ADGRG5: variants seen among roughly 807,000 people sequenced by gnomAD.
The protein encoded by ADGRG5 is adhesion G protein-coupled receptor G5.
In ADGRG5, 37 loss-of-function variants were observed where a neutral mutation model predicts 53.2. The observed-to-expected ratio is 0.70, with a 90% confidence interval of 0.53 to 0.91. ADGRG5 has a LOEUF of 0.91. Among genes scored for constraint, ADGRG5 ranks in the 40% least tolerant of loss-of-function variants. The pLI, the probability that ADGRG5 is intolerant of heterozygous loss-of-function variation, is 0.00. For synonymous variants in ADGRG5, 277 were observed against 290.4 expected, an observed-to-expected ratio of 0.95 and a Z score of 0.47; for missense variants, 614 against 675.8, an observed-to-expected ratio of 0.91 and a Z score of 1.01.
At chr16:57,562,748 G>A in intron 3 of ADGRG5, 1 of 552,624 alleles carries the variant, frequency 1.8e-6, no homozygotes. Context: ...GGGCTCTCCA[G>A]GGTCTATGAC....
chr16:57,561,340 C>A (rs2032995497), intron 1 of ADGRG5, among the ~76,000 whole-genome samples: 1 of 152,166 alleles, frequency 6.6e-6, no homozygotes, highest in Non-Finnish European at 1.5e-5. Flanking sequence ...GTCTTTGTGC[C>A]TGTTTTCTAA....
chr16:57,569,103 G>A (rs1240995582), intron 9 of ADGRG5, among the ~76,000 whole-genome samples: 4 of 47,996 alleles, frequency 8.3e-5, no homozygotes, highest in East Asian at 7.3e-4. Flanking sequence ...CCTCCTCCAC[G>A]TACATCACCA....
At chr16:57,568,667 C>T (rs1382336910) in intron 9 of ADGRG5, among the ~76,000 whole-genome samples, 1 of 149,896 alleles carries the variant, frequency 6.7e-6, no homozygotes, top group Non-Finnish European at 1.5e-5. Flanking sequence ...ATCTCCTTCA[C>T]CTCCACCACC....
chr16:57,567,932 C>G lies in ADGRG5; in HGVS notation c.898C>G (p.Leu300Val), dbSNP rs115719809. 840 of 1,613,852 alleles carry G rather than the reference C, an allele frequency of 5.2e-4. 10 individuals are homozygous for G. The African/African-American group carries it at 0.01, about 20-fold the overall frequency. The change falls in exon 9 of 12, where the codon CTG becomes GTG. Residue 300 changes from leucine (L) to valine (V), a missense_variant. Physicochemically the swap from Leu to Val is conservative, Grantham distance 32. Coordinates refer to ENST00000349457, the MANE Select transcript of ADGRG5 (RefSeq NM_001304376.3). ...SVLLLNIAFL[L>V]SPAFAMSPVP... ...GCTGCTCCTGAACATCGCCTTCCTG[C>G]TGAGCCCCGCATTCGCAATGTCTCC...
chr16:57,559,408 G>A (rs1447899541), intron 1 of ADGRG5, among the ~76,000 whole-genome samples: 1 of 152,164 alleles, frequency 6.6e-6, no homozygotes, highest in Non-Finnish European at 1.5e-5. Context: ...TGTCCTGCAT[G>A]GCTATGTTAC....
upstream of ADGRG5, among the ~76,000 whole-genome samples, chr16:57,540,658 CAT>C (rs1392131296): frequency 1.3e-5 from 2 of 152,306 alleles, no homozygotes; most frequent in African/African-American, 4.8e-5. Context: ...TTCCCAGGTA[CAT>C]GTGTGGGACC....
intron 1 of ADGRG5, among the ~76,000 whole-genome samples, chr16:57,552,495 A>G (rs929371950): frequency 5.3e-5 from 8 of 152,276 alleles, no homozygotes; most frequent in African/African-American, 1.9e-4. Flanking sequence ...AACCTCATGA[A>G]CCAACCTCTG....
intron 5 of ADGRG5, 106 bp downstream of exon 5, chr16:57,564,085 G>A: frequency 8.0e-7 from 1 of 1,254,080 alleles, no homozygotes; most frequent in Non-Finnish European, 1.1e-6. Flanking sequence ...CACTGAGTGA[G>A]ACCAACCAGC....
At chr16:57,529,879 G>A in the ADGRG5 span, among the ~76,000 whole-genome samples, 1 of 152,166 alleles carries the variant, frequency 6.6e-6, no homozygotes, top group Non-Finnish European at 1.5e-5. The surrounding 1 kb of genome is among the most constrained non-coding windows in gnomAD (Gnocchi z 4.1). Flanking sequence ...CCAGGACTGG[G>A]TCCTGACCAC....
chr16:57,536,474 C>A, the ADGRG5 span: 2,128 of 152,262 alleles, frequency 0.014, 44 homozygotes, highest in African/African-American at 0.046. Context: ...TGGCCTGCCG[C>A]CCCCCGGCCT....
the ADGRG5 span, among the ~76,000 whole-genome samples, chr16:57,535,575 T>C: frequency 6.6e-6 from 1 of 151,984 alleles, no homozygotes; most frequent in South Asian, 2.1e-4. Context: ...CCAGGCCAAG[T>C]GGATACGCAC....
In ADGRG5 at chr16:57,567,581, T is replaced by C. The variant is rs774216895; in HGVS notation, c.811T>C (p.Phe271Leu). ...VASLITVLLH[F>L]HFRKQSDSLT... is the part of the protein sequence containing the mutation. ...CTCGCTGATCACAGTCCTGCTGCAC[T>C]TCCATTTCAGGTATTCCGCTGCCAC... The change falls in exon 8 of 12, where the codon TTC becomes CTC. Residue 271 changes from phenylalanine to leucine, a missense_variant. Physicochemically the swap from Phe to Leu is conservative, Grantham distance 22 (BLOSUM62 0). Coordinates refer to ENST00000349457, the MANE Select transcript of ADGRG5 (RefSeq NM_001304376.3). The C allele has an allele frequency of 1.9e-6, 3 of 1,610,752 alleles. No homozygotes were observed. The highest frequency in any genetic ancestry group is 8.5e-7 in the Non-Finnish European group (1 of 1,179,868).
chr16:57,562,207 T>C (rs753840935), intron 2 of ADGRG5, 50 bp downstream of exon 2: 1 of 1,543,162 alleles, frequency 6.5e-7, no homozygotes, highest in East Asian at 2.3e-5. Context: ...GTCGTGGGAC[T>C]GTGATGCAAA....
rs377219588 is a variant in ADGRG5 at position 57,563,910 on chromosome 16, C to T, written c.360C>T (p.Asp120=). The change falls in exon 5 of 12, where the codon GAC becomes GAT. Residue 120 remains aspartate, a synonymous_variant. Transcript: ENST00000349457. Reference sequence around the variant, plus strand: ...AGTTCCCCGCCGAGCTGACCCGGGACGCCTGCAAGACCCGCCCCAGGGAGC... The same window carrying T: ...AGTTCCCCGCCGAGCTGACCCGGGATGCCTGCAAGACCCGCCCCAGGGAGC... ...AMQFPAELTR[D]ACKTRPRELR... 338 of 1,614,072 alleles carry T rather than the reference C, an allele frequency of 2.1e-4. No individual in the cohort carries two copies. Among genetic ancestry groups the T allele is most frequent in the South Asian group, 3.4e-4 (31 of 91,078 alleles).
At chr16:57,531,647 G>A in the ADGRG5 span, among the ~76,000 whole-genome samples, 1 of 151,908 alleles carries the variant, frequency 6.6e-6, no homozygotes, top group African/African-American at 2.4e-5. Flanking sequence ...CTCCCTCTAG[G>A]ACTCAACTCC....
chr16:57,533,284 G>A, the ADGRG5 span, among the ~76,000 whole-genome samples: 2 of 152,054 alleles, frequency 1.3e-5, no homozygotes, highest in East Asian at 1.9e-4. Context: ...TGTGTGGGAA[G>A]GGGTGGGGGT....
chr16:57,540,896 T>C (rs1271454163), upstream of ADGRG5, among the ~76,000 whole-genome samples: 4 of 152,186 alleles, frequency 2.6e-5, no homozygotes, highest in Non-Finnish European at 5.9e-5. Context: ...GTTTAAGCGA[T>C]TCTTGTGCCT....
chr16:57,575,191 G>A (rs1238764582), intron 11 of ADGRG5, 99 bp downstream of exon 11: 1 of 1,356,140 alleles, frequency 7.4e-7, no homozygotes, highest in Non-Finnish European at 1.0e-6. Context: ...GGGGCGAGTG[G>A]GGGACTAACA....
At chr16:57,538,724 T>A (rs182839154), upstream of ADGRG5, among the ~76,000 whole-genome samples, 1 of 152,160 alleles carries the variant, frequency 6.6e-6, no homozygotes, top group Non-Finnish European at 1.5e-5. Context: ...CAGTCAGGTT[T>A]TTGAGGCGTG....
Sources: gnomAD v4.1 joint callset for allele counts (sites outside exome capture counted in the v4.1 genomes callset) on GRCh38, gnomAD v4.1.1 for gene constraint, Gnocchi (gnomAD v3.1) non-coding constraint, MANE v1.5 for transcripts, NCBI Gene and HGNC (gene_info 2026-07-23, HGNC 2026-07-21) for gene names.